PIBF1: variants seen among roughly 807,000 people sequenced by gnomAD.
The protein encoded by PIBF1 is progesterone immunomodulatory binding factor 1.
In PIBF1, 90 loss-of-function variants were observed where a neutral mutation model predicts 112.5. The observed-to-expected ratio is 0.80, with a 90% CI of 0.67 to 0.95. PIBF1 has a LOEUF of 0.95. PIBF1 is among the 40% of genes least tolerant of loss of function. The probability of loss-of-function intolerance (pLI) is 0.00; values close to 1 mark genes in which losing one functional copy is unlikely to be tolerated. For synonymous variants in PIBF1, 301 were observed against 288.6 expected (o/e 1.04, Z -0.44); for missense variants, 915 against 852.3 (o/e 1.07, Z -0.92).
intron 5 of PIBF1, among the ~76,000 whole-genome samples, chr13:72,812,804 A>G (rs921166062): frequency 6.6e-6 from 1 of 151,610 alleles, no homozygotes; most frequent in Non-Finnish European, 1.5e-5. Flanking sequence ...ACCCCAAAAC[A>G]AAAACTTAGC....
At chr13:72,835,810 T>C (rs1283654606) in intron 9 of PIBF1, among the ~76,000 whole-genome samples, 1 of 152,140 alleles carries the variant, frequency 6.6e-6, no homozygotes, top group Admixed American at 6.5e-5. Flanking sequence ...TGAAGAAATA[T>C]CATTTTTGGC....
Position 72,792,024 on chromosome 13 carries a change from G to A in PIBF1, c.253-423G>A, listed in dbSNP as rs544621468. Among the ~76,000 whole-genome samples, 11 of 152,036 alleles carry A rather than the reference G, an allele frequency of 7.2e-5. No homozygotes were observed. The South Asian group carries it at 1.2e-3, about 17-fold the overall frequency. On this transcript the variant is annotated intron_variant, in intron 2 of 17. Coordinates refer to ENST00000326291, the MANE Select transcript of PIBF1 (RefSeq NM_006346.4). ...AAACTGGAGGCAGGAGGCCAGGCGC[G>A]GTGGCTCATGCCTGTAATCCCAGCA... is the stretch of plus-strand genomic sequence containing the variant.
At chr13:73,011,173 C>T (rs868566238) in intron 17 of PIBF1, among the ~76,000 whole-genome samples, 6 of 152,114 alleles carry the variant, frequency 3.9e-5, no homozygotes, top group African/African-American at 1.4e-4. Flanking sequence ...AAGCAAACTG[C>T]TGCCCCCAAA....
At chr13:72,903,834 A>C (rs182080668) in intron 11 of PIBF1, among the ~76,000 whole-genome samples, 92 of 152,302 alleles carry the variant, frequency 6.0e-4, no homozygotes, top group Admixed American at 1.1e-3. Flanking sequence ...TAGGCTCAAC[A>C]GACCTAAGAT....
chr13:72,884,818 T>G (rs1241138189), intron 10 of PIBF1: 1 of 152,146 alleles, frequency 6.6e-6, no homozygotes, highest in Non-Finnish European at 1.5e-5. Flanking sequence ...CATCCCAAGA[T>G]AGAATTTAAC....
At chr13:72,808,627 G>GTC (rs906623464) in intron 5 of PIBF1, among the ~76,000 whole-genome samples, 15 of 152,110 alleles carry the variant, frequency 9.9e-5, no homozygotes, top group African/African-American at 3.6e-4. Context: ...GCTGCTCAGA[G>GTC]TCTGTCCTAC....
At chr13:73,012,780 A>G in intron 17 of PIBF1, among the ~76,000 whole-genome samples, 1 of 151,382 alleles carries the variant, frequency 6.6e-6, no homozygotes, top group East Asian at 1.9e-4. Flanking sequence ...TAATAATAAT[A>G]ATAAGGGTAT....
intron 14 of PIBF1, among the ~76,000 whole-genome samples, chr13:72,962,999 G>A (rs755187391): frequency 2.6e-5 from 4 of 152,168 alleles, no homozygotes; most frequent in Non-Finnish European, 4.4e-5. Flanking sequence ...ATGGCCAGTC[G>A]TTTTCAACAA....
rs2138913390 is a variant in PIBF1 at position 72,965,459 on chromosome 13, C to G, written c.1964+55C>G. ...TAATAAAGACATTGTTACCATATTG[C>G]TGCTGTAGGTGAATTTGGGTTGTAA... On this transcript the variant is annotated intron_variant, in intron 15 of 17. Transcript: ENST00000326291. The G allele has an allele frequency of 4.3e-6, 6 of 1,397,242 alleles. 1 individual carries two copies. The South Asian group carries it at 6.3e-5, about 15-fold the overall frequency. The allele number at this position is 1,397,242 out of a possible 1,614,324, so 86.6% of individuals were successfully genotyped here.
At chr13:72,864,316 T>C (rs539249839) in intron 10 of PIBF1, among the ~76,000 whole-genome samples, 1 of 152,282 alleles carries the variant, frequency 6.6e-6, no homozygotes, top group African/African-American at 2.4e-5. Context: ...GGGTTACACG[T>C]TGAGAGAGTA....
At chr13:72,951,200 G>A (rs11842236) in intron 14 of PIBF1, among the ~76,000 whole-genome samples, 29,628 of 152,098 alleles carry the variant, frequency 0.19, 3,030 homozygotes, top group Middle Eastern at 0.26. Flanking sequence ...TTATCTTCGG[G>A]TCGTAGGGGA....
intron 11 of PIBF1, among the ~76,000 whole-genome samples, chr13:72,900,454 T>TA (rs1190094718): frequency 2.0e-5 from 3 of 152,074 alleles, no homozygotes; most frequent in Non-Finnish European, 4.4e-5. Context: ...CCCAAATACT[T>TA]ACAGCCAACT....
chr13:72,863,976 T>C (rs2038818188), intron 10 of PIBF1, among the ~76,000 whole-genome samples: 1 of 152,204 alleles, frequency 6.6e-6, no homozygotes, highest in Admixed American at 6.5e-5. Flanking sequence ...CTAGATAAAG[T>C]TCTAAATAAA....
intron 10 of PIBF1, among the ~76,000 whole-genome samples, chr13:72,888,325 A>T (rs1367997883): frequency 6.6e-6 from 1 of 152,172 alleles, no homozygotes; most frequent in African/African-American, 2.4e-5. Context: ...CATAATTCAT[A>T]TGTAATATGC....
At chr13:72,799,913 C>T (rs1169519637) in intron 5 of PIBF1, among the ~76,000 whole-genome samples, 5 of 152,126 alleles carry the variant, frequency 3.3e-5, no homozygotes, top group African/African-American at 7.2e-5. Flanking sequence ...ACACAGATTC[C>T]TCAGGCCATT....
intron 12 of PIBF1, among the ~76,000 whole-genome samples, chr13:72,914,392 A>G (rs912303732): frequency 1.6e-4 from 24 of 152,078 alleles, no homozygotes; most frequent in African/African-American, 5.3e-4. Context: ...AAAACAACCT[A>G]GATTTCTAGT....
At chr13:72,963,406 C>A (rs2138904502) in intron 14 of PIBF1, among the ~76,000 whole-genome samples, 2 of 152,250 alleles carry the variant, frequency 1.3e-5, no homozygotes, top group South Asian at 4.1e-4. Context: ...CCAGCCTGGC[C>A]AACATGGTGA....
At chr13:72,816,078 A>C (rs76464016) in intron 5 of PIBF1, among the ~76,000 whole-genome samples, 1 of 152,310 alleles carries the variant, frequency 6.6e-6, no homozygotes, top group Admixed American at 6.5e-5. Flanking sequence ...CTCCTAATAC[A>C]TCAGTGTAGC....
chr13:72,987,854 A>ATTTAT (rs2043346691), intron 16 of PIBF1, among the ~76,000 whole-genome samples: 1 of 58,668 alleles, frequency 1.7e-5, no homozygotes, highest in African/African-American at 8.2e-5. Flanking sequence ...TTATTTATTT[A>ATTTAT]TTTATTTTTT....
Sources: allele counts gnomAD v4.1 joint callset (sites outside exome capture counted in the v4.1 genomes callset), GRCh38; gene constraint gnomAD v4.1.1; transcripts MANE v1.5; gene names NCBI Gene and HGNC (gene_info 2026-07-23, HGNC 2026-07-21).